The following ERGIC1 variants were observed in gnomAD, a reference collection of about 807,000 sequenced individuals.
ERGIC1 encodes endoplasmic reticulum-golgi intermediate compartment 1, also known as endoplasmic reticulum-Golgi intermediate compartment protein 1.
In ERGIC1, 19 loss-of-function variants were observed where a neutral mutation model predicts 38.3. The observed-to-expected ratio is 0.50, with a 90% CI of 0.35 to 0.73. The LOEUF is 0.73. Among genes scored for constraint, ERGIC1 ranks in the 30% least tolerant of loss-of-function variants. The pLI is 0.01. For synonymous variants in ERGIC1, 124 were observed against 157.6 expected, an observed-to-expected ratio of 0.79 and a Z score of 1.60; for missense variants, 294 against 389.2, an observed-to-expected ratio of 0.76 and a Z score of 2.06.
intron 5 of ERGIC1, chr5:172,920,364 G>A (rs1417527813): frequency 2.8e-6 from 2 of 717,908 alleles, no homozygotes. Context: ...CGACCCCCAG[G>A]AAGTTGACCA....
At chr5:172,883,177 C>T (rs997718243) in intron 1 of ERGIC1, among the ~76,000 whole-genome samples, 7 of 152,248 alleles carry the variant, frequency 4.6e-5, no homozygotes, top group Middle Eastern at 3.4e-3. Context: ...TAATTTCAGA[C>T]TTTTCCGCCA....
At chr5:172,920,006 C>T (rs1042669368) in intron 5 of ERGIC1, among the ~76,000 whole-genome samples, 1 of 152,220 alleles carries the variant, frequency 6.6e-6, no homozygotes, top group Non-Finnish European at 1.5e-5. Context: ...GTGACCTGGT[C>T]AAGGTCACGC....
intron 3 of ERGIC1, among the ~76,000 whole-genome samples, chr5:172,901,554 A>G (rs1762876474): frequency 6.6e-6 from 1 of 152,190 alleles, no homozygotes. Flanking sequence ...TCATGGATTT[A>G]TAGTGTGCAT....
intron 1 of ERGIC1, among the ~76,000 whole-genome samples, chr5:172,840,312 G>A (rs1761130414): frequency 6.6e-6 from 1 of 152,166 alleles, no homozygotes; most frequent in Admixed American, 6.5e-5. Flanking sequence ...CTGTGTCCTG[G>A]TTAAGTTACA....
intron 6 of ERGIC1, among the ~76,000 whole-genome samples, chr5:172,925,054 A>G (rs1056685373): frequency 2.0e-5 from 3 of 152,210 alleles, no homozygotes; most frequent in African/African-American, 2.4e-5. Flanking sequence ...CCTTGCCAAC[A>G]TGGTGAAACT....
intron 1 of ERGIC1, among the ~76,000 whole-genome samples, chr5:172,858,922 G>A (rs922084431): frequency 5.3e-5 from 8 of 152,210 alleles, no homozygotes; most frequent in African/African-American, 1.9e-4. Flanking sequence ...AGTCACACCA[G>A]GTCAAAAGGT....
At chr5:172,862,829 A>G (rs1761751858) in intron 1 of ERGIC1, among the ~76,000 whole-genome samples, 1 of 152,204 alleles carries the variant, frequency 6.6e-6, no homozygotes, top group African/African-American at 2.4e-5. Flanking sequence ...TTAAAAGGCA[A>G]ACAATTTACC....
intron 1 of ERGIC1, among the ~76,000 whole-genome samples, chr5:172,886,225 C>G (rs775279807): frequency 6.6e-6 from 1 of 152,174 alleles, no homozygotes; most frequent in Non-Finnish European, 1.5e-5. Flanking sequence ...TCTCCCTGCA[C>G]ATCGGGCTGT....
At chr5:172,897,443 A>AGAG (rs1554110762) in intron 3 of ERGIC1, among the ~76,000 whole-genome samples, 4 of 142,454 alleles carry the variant, frequency 2.8e-5, no homozygotes, top group African/African-American at 1.1e-4. Context: ...AAAAAAAAAA[A>AGAG]AGAGAGAGAG....
At chr5:172,907,185 T>G (rs1462674785) in intron 3 of ERGIC1, among the ~76,000 whole-genome samples, 1 of 152,046 alleles carries the variant, frequency 6.6e-6, no homozygotes, top group Non-Finnish European at 1.5e-5. Context: ...CAGCAGCCCC[T>G]CCAGTGGGTC....
chr5:172,850,289 C>T (rs184901791), intron 1 of ERGIC1, among the ~76,000 whole-genome samples: 18 of 152,150 alleles, frequency 1.2e-4, no homozygotes, highest in East Asian at 1.2e-3. Flanking sequence ...TTCGCCTACC[C>T]GCCCCCTCCC....
intron 5 of ERGIC1, chr5:172,915,215 G>A (rs940883294): frequency 3.3e-6 from 2 of 601,862 alleles, no homozygotes; most frequent in East Asian, 2.8e-5. Context: ...ATAGTATCAC[G>A]ATACCACCCA....
At position 172,897,065 on chromosome 5, in the gene ERGIC1, C is replaced by T. The variant is rs868604280; in HGVS notation, c.146C>T (p.Thr49Met). 8 of 1,613,874 alleles carry T rather than the reference C, an allele frequency of 5.0e-6. No homozygotes were observed. Among genetic ancestry groups the T allele is most frequent in the Admixed American group, 1.7e-5 (1 of 59,988 alleles). ...CTCTCGGAGCTCACCGGATTTATAA[C>T]GACAGAAGTGTAAGTCATACTTTCC... ...LFLSELTGFI[T>M]TEVVNELYVD... The change falls in exon 3 of 10, where the codon ACG becomes ATG. Residue 49 changes from threonine to methionine, a missense_variant. This residue lies in a region of ERGIC1 where 163 missense variants were observed against 225.8 expected (regional missense o/e 0.72). Coordinates refer to ENST00000393784, the MANE Select transcript of ERGIC1 (RefSeq NM_001031711.3).
rs2113457905 is a variant in ERGIC1, at chr5:172,926,816, C to T, written c.541+247C>T. On this transcript the variant is annotated intron_variant, in intron 7 of 9. Transcript: ENST00000393784. The surrounding 1 kb of genome is among the most constrained non-coding windows in gnomAD (Gnocchi z 5.2). Reference sequence around the variant, plus strand: ...AGCAGACGCACGCACGCAGTGGATACCAGCTATTACCATTATTGTTGCTCT... The same window carrying T: ...AGCAGACGCACGCACGCAGTGGATATCAGCTATTACCATTATTGTTGCTCT... 1.8e-6 allele frequency: 1 copy of T among 541,034 alleles called. No individual in the cohort carries two copies. Among genetic ancestry groups the T allele is most frequent in the East Asian group, 3.1e-5 (1 of 32,588 alleles). 33.5% of individuals were successfully genotyped at this position (541,034 alleles called of 1,614,324 possible). A position where few individuals can be genotyped will look rare whatever the true frequency, so the allele number is the denominator to read the frequency against.
At position 172,950,820 on chromosome 5, in the gene ERGIC1, C is replaced by A. The variant is rs766028364; in HGVS notation, c.*4C>A. The A allele has an allele frequency of 1.6e-5, 26 of 1,605,038 alleles. No individual in the cohort carries two copies. Among genetic ancestry groups the A allele is most frequent in the Non-Finnish European group, 2.0e-5 (23 of 1,173,294 alleles). On this transcript the variant is annotated 3_prime_UTR_variant, in exon 10 of 10. Coordinates refer to ENST00000393784, the MANE Select transcript of ERGIC1 (RefSeq NM_001031711.3). ...CCAGCTGGGCAAGATGCATTGACGC[C>A]ACACCCAGCCTAATGGCCGAGGACC...
At chr5:172,909,493 TGAAGAG>T (rs1462777568) in intron 3 of ERGIC1, among the ~76,000 whole-genome samples, 168 bp from the exon 4 acceptor site, 9 of 152,198 alleles carry the variant, frequency 5.9e-5, no homozygotes, top group African/African-American at 1.9e-4. Flanking sequence ...AGGCTGCACT[TGAAGAG>T]TGCAGCCTAG....
chr5:172,842,029 G>C (rs1486864672), intron 1 of ERGIC1, among the ~76,000 whole-genome samples: 1 of 152,024 alleles, frequency 6.6e-6, no homozygotes, highest in Admixed American at 6.6e-5. Context: ...TTTTTGTGTG[G>C]TAAGAATACC....
intron 1 of ERGIC1, among the ~76,000 whole-genome samples, chr5:172,883,824 A>G (rs1762344596): frequency 6.6e-6 from 1 of 152,130 alleles, no homozygotes; most frequent in African/African-American, 2.4e-5. Flanking sequence ...CCTACAAAAA[A>G]ATTAAAAAAT....
intron 1 of ERGIC1, among the ~76,000 whole-genome samples, chr5:172,887,164 G>A (rs542241523): frequency 1.4e-4 from 21 of 152,270 alleles, no homozygotes; most frequent in African/African-American, 4.3e-4. Context: ...GCATTGCGTC[G>A]GGTTTAGCTG....
Sources: gnomAD v4.1 joint callset for allele counts (sites outside exome capture counted in the v4.1 genomes callset) on GRCh38, gnomAD v4.1.1 for gene constraint, gnomAD v4.1.1 regional missense constraint, Gnocchi (gnomAD v3.1) non-coding constraint, MANE v1.5 for transcripts, NCBI Gene and HGNC (gene_info 2026-07-23, HGNC 2026-07-21) for gene names.